The following MMP16 variants were observed in gnomAD, a reference collection of about 807,000 sequenced individuals.
MMP16 encodes the protein matrix metallopeptidase 16.
MMP16 carries 12 observed loss-of-function variants against 67.8 expected under a neutral mutation model. The observed-to-expected ratio is 0.18, with a 90% confidence interval of 0.11 to 0.29. MMP16 has a LOEUF of 0.29. MMP16 is among the 10% of genes least tolerant of loss of function. MMP16 has a pLI of 1.00. For missense variants in MMP16, 475 were observed against 765.7 expected (o/e 0.62, Z 4.48); for synonymous variants, 249 against 255.9 (o/e 0.97, Z 0.26).
At chr8:88,160,330 C>T (rs1310141667) in intron 4 of MMP16, among the ~76,000 whole-genome samples, 2 of 151,906 alleles carry the variant, frequency 1.3e-5, no homozygotes, top group Admixed American at 1.3e-4. Context: ...CATAGTATTC[C>T]ATGGTGTATA....
chr8:88,108,759 T>A (rs74776347), intron 6 of MMP16, among the ~76,000 whole-genome samples: 1 of 151,420 alleles, frequency 6.6e-6, no homozygotes, highest in African/African-American at 2.4e-5. Context: ...GAAGTTATGA[T>A]TGGAATAATT....
intron 1 of MMP16, among the ~76,000 whole-genome samples, chr8:88,290,102 CAAAT>C (rs751624791): frequency 2.0e-5 from 3 of 152,088 alleles, no homozygotes; most frequent in African/African-American, 4.8e-5. Context: ...TTTGAGGTAA[CAAAT>C]AAATTACCAC....
intron 1 of MMP16, among the ~76,000 whole-genome samples, chr8:88,246,574 G>A (rs55799901): frequency 0.044 from 6,689 of 152,160 alleles, 177 homozygotes; most frequent in South Asian, 0.061. Flanking sequence ...ATACTACCCA[G>A]CCCAACTTTA....
intron 6 of MMP16, among the ~76,000 whole-genome samples, chr8:88,089,602 A>G (rs570216792): frequency 1.3e-5 from 2 of 152,128 alleles, no homozygotes; most frequent in East Asian, 3.9e-4. Flanking sequence ...ACTAAAAAGA[A>G]GAGGAAATGA....
At chr8:88,078,648 G>A (rs373152070) in intron 6 of MMP16, among the ~76,000 whole-genome samples, 2 of 152,086 alleles carry the variant, frequency 1.3e-5, no homozygotes, top group African/African-American at 2.4e-5. Flanking sequence ...ACTGCACTCC[G>A]CCAGCCTGGG....
At chr8:88,321,644 AT>A (rs1382506457) in intron 1 of MMP16, among the ~76,000 whole-genome samples, 3 of 152,178 alleles carry the variant, frequency 2.0e-5, no homozygotes, top group Non-Finnish European at 4.4e-5. Flanking sequence ...CAGAAAAAAA[AT>A]CTGAACTATC....
At chr8:88,305,047 C>T (rs1420660521) in intron 1 of MMP16, among the ~76,000 whole-genome samples, 1 of 152,054 alleles carries the variant, frequency 6.6e-6, no homozygotes, top group Admixed American at 6.6e-5. Flanking sequence ...CTGTATTCAA[C>T]AGACCCATGT....
intron 4 of MMP16, among the ~76,000 whole-genome samples, chr8:88,134,022 T>C (rs915723203): frequency 6.6e-6 from 1 of 151,718 alleles, no homozygotes; most frequent in African/African-American, 2.4e-5. Context: ...AGATAACTAA[T>C]TAGAGCCTCC....
Position 88,117,504 on chromosome 8 carries a change from C to T in MMP16, c.872-786G>A, listed in dbSNP as rs78305391. On this transcript the variant is annotated intron_variant, in intron 5 of 9. Transcript: ENST00000286614. The stretch of plus-strand genomic sequence containing the variant: ...GAATATTCTTTTGCAGACCTTCAGT[C>T]TAGACTACTAATTCATGAGGTCATG... Among the ~76,000 whole-genome samples the T allele has an allele frequency of 4.5e-3, 683 of 152,136 alleles. 5 individuals are homozygous for T. Among genetic ancestry groups the T allele is most frequent in the Non-Finnish European group, 7.7e-3 (525 of 67,968 alleles).
chr8:88,112,174 A>G (rs2118414531), intron 6 of MMP16, among the ~76,000 whole-genome samples: 1 of 148,930 alleles, frequency 6.7e-6, no homozygotes, highest in Non-Finnish European at 1.5e-5. Flanking sequence ...GTCAGTAATG[A>G]AAGGCAACTA....
At chr8:88,261,806 T>C (rs982439321) in intron 1 of MMP16, among the ~76,000 whole-genome samples, 5 of 104,906 alleles carry the variant, frequency 4.8e-5, no homozygotes, top group Non-Finnish European at 8.7e-5. Context: ...CATATAACCA[T>C]TTACTGATGG....
chr8:88,221,014 T>C (rs1158337148), intron 1 of MMP16, among the ~76,000 whole-genome samples: 1 of 152,054 alleles, frequency 6.6e-6, no homozygotes, highest in South Asian at 2.1e-4. Flanking sequence ...CAGGTGACTA[T>C]CCTTTAACCA....
intron 4 of MMP16, among the ~76,000 whole-genome samples, chr8:88,151,789 T>A (rs1168290171): frequency 6.8e-6 from 1 of 147,938 alleles, no homozygotes; most frequent in Non-Finnish European, 1.5e-5. Flanking sequence ...CACCCTAACA[T>A]CACAATTAAA....
intron 1 of MMP16, among the ~76,000 whole-genome samples, chr8:88,291,682 A>G (rs1301462493): frequency 1.3e-5 from 2 of 152,236 alleles, no homozygotes; most frequent in South Asian, 4.1e-4. Flanking sequence ...GCTGCAAGTG[A>G]AAATACCAAG....
At chr8:88,291,281 TA>T in intron 1 of MMP16, among the ~76,000 whole-genome samples, 2 of 152,028 alleles carry the variant, frequency 1.3e-5, no homozygotes, top group Middle Eastern at 6.8e-3. Flanking sequence ...ACCCAGTCTC[TA>T]AAAAAATAAG....
intron 1 of MMP16, among the ~76,000 whole-genome samples, chr8:88,283,577 C>T (rs1287470508): frequency 6.6e-6 from 1 of 152,138 alleles, no homozygotes; most frequent in Non-Finnish European, 1.5e-5. Flanking sequence ...CCCACTCTCT[C>T]TATTTATGGA....
intron 1 of MMP16, among the ~76,000 whole-genome samples, chr8:88,261,614 A>C (rs1156363305): frequency 6.6e-6 from 1 of 152,236 alleles, no homozygotes; most frequent in East Asian, 1.9e-4. Context: ...GGGCAAAAAA[A>C]GATACCAGGA....
At chr8:88,325,317 C>T (rs1330934537) in intron 1 of MMP16, among the ~76,000 whole-genome samples, 1 of 152,104 alleles carries the variant, frequency 6.6e-6, no homozygotes, top group Non-Finnish European at 1.5e-5. Flanking sequence ...ATCATCAAAA[C>T]TCATGTTATC....
At chr8:88,301,442 T>C (rs1586008990) in intron 1 of MMP16, among the ~76,000 whole-genome samples, 1 of 152,170 alleles carries the variant, frequency 6.6e-6, no homozygotes, top group Non-Finnish European at 1.5e-5. Context: ...CTGTGACTTA[T>C]TTGCCACAAA....
Sources: gnomAD v4.1 joint callset for allele counts (sites outside exome capture counted in the v4.1 genomes callset) on GRCh38, gnomAD v4.1.1 for gene constraint, MANE v1.5 for transcripts, NCBI Gene and HGNC (gene_info 2026-07-23, HGNC 2026-07-21) for gene names.